Variants in TBRG1 observed in about 807,000 individuals in gnomAD.
TBRG1 encodes the protein transforming growth factor beta regulator 1, also known as nuclear interactor of ARF and MDM2.
A neutral mutation model predicts 44.0 loss-of-function variants in TBRG1; 31 were observed. The ratio of observed to expected loss-of-function variants is 0.70; its 90% CI spans 0.53 to 0.95. The LOEUF is 0.95. Ranked by LOEUF, TBRG1 falls within the 40% of genes least tolerant of loss-of-function variation. The probability of loss-of-function intolerance (pLI) is 0.00; values close to 1 mark genes in which losing one functional copy is unlikely to be tolerated. For synonymous variants in TBRG1, 171 were observed against 188.1 expected (o/e 0.91, Z 0.74); for missense variants, 487 against 496.1 (o/e 0.98, Z 0.18).
rs1942591362 is a variant in TBRG1, at chr11:124,630,764, C to T, written c.856C>T (p.Leu286=). 2.5e-6 allele frequency: 4 copies of T among 1,606,384 alleles called. No homozygotes were observed. Among genetic ancestry groups the T allele is most frequent in the Admixed American group, 1.7e-5 (1 of 59,032 alleles). ...GTTTAGGGGGAAACTAATGCCTAAC[C>T]TGCTTCCAGCTGGAGCTGACTTTTT... ...STTMGKLMPN[L]LPAGADFFGF... Residue 286 remains leucine, a synonymous_variant, in exon 7 of 9, where the codon CTG becomes TTG. Coordinates refer to ENST00000441174, the MANE Select transcript of TBRG1 (RefSeq NM_032811.3).
At position 124,634,635 on chromosome 11, in the gene TBRG1, A is replaced by G. The variant is rs1942682624; in HGVS notation, c.*2397A>G. On this transcript the variant is annotated 3_prime_UTR_variant, in exon 9 of 9. Coordinates refer to ENST00000441174, the MANE Select transcript of TBRG1 (RefSeq NM_032811.3). ...TGATATTCATTACAGTATTATTTTA[A>G]TAGTAGAAAATTGTTAAAAATCTAT... 6.6e-6 allele frequency: 1 copy of G among 152,192 alleles called. No individual in the cohort carries two copies. The highest frequency in any genetic ancestry group is 2.4e-5 in the African/African-American group (1 of 41,444). The allele number at this position is 152,192 out of a possible 1,614,324, so 9.4% of individuals were successfully genotyped here. A position where few individuals can be genotyped will look rare whatever the true frequency, so the allele number is the denominator to read the frequency against.
At chr11:124,631,231 G>A in intron 7 of TBRG1, 44 bp from the exon 8 acceptor site, 1 of 1,520,406 alleles carries the variant, frequency 6.6e-7, no homozygotes, top group Non-Finnish European at 8.8e-7. Flanking sequence ...GGGTATTTAT[G>A]TCTAGCAGAT....
intron 1 of TBRG1, chr11:124,623,467 A>G: frequency 1.6e-6 from 1 of 634,476 alleles, no homozygotes; most frequent in East Asian, 3.2e-5. Flanking sequence ...TGAGTAAAGA[A>G]AAGTGCTTGG....
rs1942369340 is a variant in TBRG1 at position 124,622,916 on chromosome 11, G to A, written c.-168G>A. 1 of 687,328 alleles carries A rather than the reference G, an allele frequency of 1.5e-6. No homozygotes were observed. Among genetic ancestry groups the A allele is most frequent in the African/African-American group, 1.8e-5 (1 of 54,684 alleles). The allele number at this position is 687,328 out of a possible 1,614,324, so 42.6% of individuals were successfully genotyped here. On this transcript the variant is annotated 5_prime_UTR_variant, in exon 1 of 9. Coordinates refer to ENST00000441174, the MANE Select transcript of TBRG1 (RefSeq NM_032811.3). ...GGAGGCGCCGGGAGCCCGTTCGGTTGCGGGTGTCTCTGGCCCTGCGGTCAG... is the reference window on the plus strand; with the variant it reads ...GGAGGCGCCGGGAGCCCGTTCGGTTACGGGTGTCTCTGGCCCTGCGGTCAG...
intron 8 of TBRG1, 102 bp downstream of exon 8, chr11:124,631,519 G>A: frequency 7.9e-7 from 1 of 1,262,802 alleles, no homozygotes; most frequent in Non-Finnish European, 1.1e-6. Flanking sequence ...TGCATTGAGT[G>A]ATAAAAGCTT....
In TBRG1 at chr11:124,634,156, A is replaced by T. The variant is rs1219633893; in HGVS notation, c.*1918A>T. ...TCAGGAGATCGAGACCATCCTGGCT[A>T]AGTCGGTCTCTAATAAAAATACAAA... On this transcript the variant is annotated 3_prime_UTR_variant, in exon 9 of 9. Coordinates refer to ENST00000441174, the MANE Select transcript of TBRG1 (RefSeq NM_032811.3). 1 of 152,222 alleles carries T rather than the reference A, an allele frequency of 6.6e-6. No homozygotes were observed. The highest frequency in any genetic ancestry group is 1.9e-4 in the East Asian group (1 of 5,198). The allele number at this position is 152,222 out of a possible 1,614,324, so 9.4% of individuals were successfully genotyped here.
Position 124,624,985 on chromosome 11 carries a change from G to A in TBRG1, c.205G>A (p.Ala69Thr). ...IARLEEKFLK[A>T]KEERRYLLKK... ...TCGTCTTGAGGAAAAATTTCTTAAA[G>A]CAAAAGAAGAAAGAAGGTGAGCTGG... The change falls in exon 2 of 9, where the codon GCA becomes ACA. Residue 69 changes from alanine (A) to threonine (T), a missense_variant. Ala to Thr is a moderately conservative substitution (Grantham distance 58). Coordinates refer to ENST00000441174, the MANE Select transcript of TBRG1 (RefSeq NM_032811.3). The A allele has an allele frequency of 6.5e-7, 1 of 1,548,904 alleles. No individual in the cohort carries two copies. The highest frequency in any genetic ancestry group is 8.7e-7 in the Non-Finnish European group (1 of 1,145,336).
rs1229324861 is a variant in TBRG1, at chr11:124,633,266, A to T, written c.*1028A>T. ...ACTTAGTCCTGTCTTTTCATTAGCC[A>T]TGTAATAATATAACTCCATGTTCCA... On this transcript the variant is annotated 3_prime_UTR_variant, in exon 9 of 9. Coordinates refer to ENST00000441174, the MANE Select transcript of TBRG1 (RefSeq NM_032811.3). 3 of 152,216 alleles carry T rather than the reference A, an allele frequency of 2.0e-5. No individual in the cohort carries two copies. The highest frequency in any genetic ancestry group is 2.4e-5 in the African/African-American group (1 of 41,456). 9.4% of individuals were successfully genotyped at this position (152,216 alleles called of 1,614,324 possible). A position where few individuals can be genotyped will look rare whatever the true frequency, so the allele number is the denominator to read the frequency against.
At position 124,626,592 on chromosome 11, in the gene TBRG1, G is replaced by A. The variant is rs1231781264; in HGVS notation, c.574G>A (p.Val192Ile). 6 of 1,551,654 alleles carry A rather than the reference G, an allele frequency of 3.9e-6. No individual in the cohort carries two copies. Among genetic ancestry groups the A allele is most frequent in the African/African-American group, 2.7e-5 (2 of 73,164 alleles). Reference protein sequence around the residue: ...VFPIGLGGLTVYSLGEIITDR... With the variant: ...VFPIGLGGLTIYSLGEIITDR... Reference sequence around the variant, plus strand: ...CCCCATCGGACTAGGGGGTCTAACAGTATATAGCCTGGGGGAGGTGAGTGA... The same window carrying A: ...CCCCATCGGACTAGGGGGTCTAACAATATATAGCCTGGGGGAGGTGAGTGA... Residue 192 changes from valine (V) to isoleucine (I), a missense_variant, in exon 4 of 9, where the codon GTA (valine) becomes ATA (isoleucine). By Grantham distance (29) the Val-to-Ile change is conservative. Coordinates refer to ENST00000441174, the MANE Select transcript of TBRG1 (RefSeq NM_032811.3).
chr11:124,631,321 C>T lies in TBRG1; in HGVS notation c.994C>T (p.Leu332=). The T allele has an allele frequency of 1.9e-6, 3 of 1,611,848 alleles. No individual in the cohort carries two copies. The highest frequency in any genetic ancestry group is 1.7e-6 in the Non-Finnish European group (2 of 1,178,954). The change falls in exon 8 of 9, where the codon CTA becomes TTA. Residue 332 remains leucine, a synonymous_variant. Coordinates refer to ENST00000441174, the MANE Select transcript of TBRG1 (RefSeq NM_032811.3). ...FDVCKPGDGQ[L]PEGLPENDAA... ...TGTGTGCAAACCTGGAGATGGGCAG[C>T]TACCTGAGGGGCTGCCGGAGAATGA... is the stretch of plus-strand genomic sequence containing the variant.
intron 6 of TBRG1, 78 bp from the exon 7 acceptor site, chr11:124,630,667 C>T: frequency 8.8e-7 from 1 of 1,138,894 alleles, no homozygotes. Flanking sequence ...CCTGTTTGTT[C>T]ATACCACTAT....
Position 124,631,416 on chromosome 11 carries a change from A to G in TBRG1, c.1089A>G (p.Pro363=), listed in dbSNP as rs530085387. The G allele has an allele frequency of 1.2e-6, 2 of 1,613,930 alleles. No individual in the cohort carries two copies. The highest frequency in any genetic ancestry group is 2.2e-5 in the South Asian group (2 of 91,084). ...AAGATCAGAATGATCCCCTTCTGCCAGGTATCTTTAACTTTACCTTTCTGG... is the reference window on the plus strand; with the variant it reads ...AAGATCAGAATGATCCCCTTCTGCCGGGTATCTTTAACTTTACCTTTCTGG... The part of the protein sequence containing the change: ...FDEDQNDPLL[P]GSLDLPELQP... The change falls in exon 8 of 9, where the codon CCA becomes CCG. Residue 363 remains proline (P), a splice_region_variant and synonymous_variant. Transcript: ENST00000441174.
Position 124,625,792 on chromosome 11 carries a change from A to G in TBRG1, c.343A>G (p.Ile115Val), listed in dbSNP as rs372017057. The change falls in exon 3 of 9, where the codon ATA becomes GTA. Residue 115 changes from isoleucine to valine, a missense_variant. By Grantham distance (29) the Ile-to-Val change is conservative. Transcript: ENST00000441174. ...TGGTGTGGCCAGCTCTGTGGGAACT[A>G]TACAGGGAGCTGGGCCTATTTCAGG... The part of the protein sequence containing the change: ...TYGVASSVGT[I>V]QGAGPISGPS... 6.3e-7 allele frequency: 1 copy of G among 1,581,044 alleles called. No homozygotes were observed. Among genetic ancestry groups the G allele is most frequent in the South Asian group, 1.2e-5 (1 of 86,550 alleles).
intron 3 of TBRG1, 123 bp from the exon 4 acceptor site, chr11:124,626,350 C>T: frequency 1.1e-6 from 1 of 900,938 alleles, no homozygotes; most frequent in South Asian, 1.8e-5. Flanking sequence ...GCCCCATATG[C>T]CCATTCAGTA....
chr11:124,632,020 T>C lies in TBRG1; in HGVS notation c.1091-73T>C. The C allele has an allele frequency of 2.3e-6, 3 of 1,322,864 alleles. No individual in the cohort carries two copies. In the East Asian group the frequency reaches 6.9e-5, roughly 30 times the overall value. The allele number at this position is 1,322,864 out of a possible 1,614,324, so 81.9% of individuals were successfully genotyped here. On this transcript the variant is annotated intron_variant, in intron 8 of 8. Coordinates refer to ENST00000441174, the MANE Select transcript of TBRG1 (RefSeq NM_032811.3). ...TGTTAAGGAATTGATTGAAAGGACA[T>C]GTATATGTCTGACCAAAACAGTCTG...
In TBRG1 at chr11:124,634,594, G is replaced by A. The variant is rs1015855507; in HGVS notation, c.*2356G>A. The A allele has an allele frequency of 3.9e-5, 6 of 152,182 alleles. No homozygotes were observed. Among genetic ancestry groups the A allele is most frequent in the African/African-American group, 1.4e-4 (6 of 41,520 alleles). The allele number at this position is 152,182 out of a possible 1,614,324, so 9.4% of individuals were successfully genotyped here. A position where few individuals can be genotyped will look rare whatever the true frequency, so the allele number is the denominator to read the frequency against. On this transcript the variant is annotated 3_prime_UTR_variant, in exon 9 of 9. Transcript: ENST00000441174. ...CCTAAGAAATAACTGGACGAGTGTG[G>A]TATGATGTTTGCATGTGATATTCAT... is the stretch of plus-strand genomic sequence containing the variant.
In TBRG1 at chr11:124,633,153, A is replaced by G. The variant is rs1416140355; in HGVS notation, c.*915A>G. The G allele has an allele frequency of 6.6e-6, 1 of 152,192 alleles. No homozygotes were observed. Among genetic ancestry groups the G allele is most frequent in the Non-Finnish European group, 1.5e-5 (1 of 68,060 alleles). The allele number at this position is 152,192 out of a possible 1,614,324, so 9.4% of individuals were successfully genotyped here. On this transcript the variant is annotated 3_prime_UTR_variant, in exon 9 of 9. Coordinates refer to ENST00000441174, the MANE Select transcript of TBRG1 (RefSeq NM_032811.3). ...CTTTAACCTTTGTATTGCACCTCAG[A>G]TAATGTGCTTTTTAGCTCAGTACAC...
chr11:124,631,764 C>A, intron 8 of TBRG1: 1 of 438,552 alleles, frequency 2.3e-6, no homozygotes, highest in South Asian at 2.7e-5. Context: ...AAGTCAAGGC[C>A]TTGGCCCTGC....
In TBRG1 at chr11:124,632,774, A is replaced by C. The variant is rs1422133456; in HGVS notation, c.*536A>C. ...TAAGATCACTAAGCCGGTTCATGAG[A>C]GGTCTGCTCTCATGACCTAATCACC... On this transcript the variant is annotated 3_prime_UTR_variant, in exon 9 of 9. Coordinates refer to ENST00000441174, the MANE Select transcript of TBRG1 (RefSeq NM_032811.3). The C allele has an allele frequency of 6.5e-6, 1 of 153,090 alleles. No homozygotes were observed. Among genetic ancestry groups the C allele is most frequent in the African/African-American group, 2.4e-5 (1 of 41,422 alleles). The allele number at this position is 153,090 out of a possible 1,614,324, so 9.5% of individuals were successfully genotyped here.
Sources: gnomAD v4.1 joint callset for allele counts on GRCh38, gnomAD v4.1.1 for gene constraint, MANE v1.5 for transcripts, NCBI Gene and HGNC (gene_info 2026-07-23, HGNC 2026-07-21) for gene names.